Variants in SYT1 observed in about 807,000 individuals in gnomAD.
SYT1 encodes synaptotagmin-1.
In SYT1, 8 loss-of-function variants were observed where a neutral mutation model predicts 44.8. The ratio of observed to expected loss-of-function variants is 0.18; its 90% CI spans 0.10 to 0.32. The LOEUF (loss-of-function observed/expected upper bound fraction) is 0.32. Among genes scored for constraint, SYT1 ranks in the 10% least tolerant of loss-of-function variants. The pLI is 1.00. For synonymous variants in SYT1, 154 were observed against 188.8 expected, an observed-to-expected ratio of 0.82 and a Z score of 1.51; for missense variants, 286 against 509.3, an observed-to-expected ratio of 0.56 and a Z score of 4.22.
intron 3 of SYT1, among the ~76,000 whole-genome samples, chr12:79,206,025 A>C (rs527570462): frequency 6.6e-6 from 1 of 152,328 alleles, no homozygotes; most frequent in East Asian, 1.9e-4. Context: ...GCACTAAGGA[A>C]GCATGTTGAA....
At chr12:79,174,974 ATTC>A (rs1871769680) in intron 3 of SYT1, among the ~76,000 whole-genome samples, 1 of 152,078 alleles carries the variant, frequency 6.6e-6, no homozygotes, top group African/African-American at 2.4e-5. Context: ...TATAGTTAAT[ATTC>A]ATCAAAGTTT....
intron 9 of SYT1, chr12:79,419,153 T>C: frequency 2.4e-6 from 1 of 422,096 alleles, no homozygotes; most frequent in South Asian, 1.8e-5. Flanking sequence ...CTTTTCTCTA[T>C]GTAGAAGGGA....
chr12:79,300,789 TTATATATATATATATATA>T (rs56934430), intron 8 of SYT1, among the ~76,000 whole-genome samples: 120 of 89,610 alleles, frequency 1.3e-3, no homozygotes, highest in African/African-American at 4.8e-3. Context: ...TGTATACTTA[TTATATATATATATATATA>T]TATATATATA....
At chr12:79,217,097 ATC>A (rs1003078550) in intron 3 of SYT1, among the ~76,000 whole-genome samples, 3 of 152,218 alleles carry the variant, frequency 2.0e-5, no homozygotes, top group Admixed American at 6.5e-5. Flanking sequence ...CAAATATTTT[ATC>A]TCTTTCTTCC....
At chr12:79,161,640 C>G (rs1870955720) in intron 3 of SYT1, among the ~76,000 whole-genome samples, 1 of 152,096 alleles carries the variant, frequency 6.6e-6, no homozygotes, top group African/African-American at 2.4e-5. Context: ...AACTGCATAA[C>G]AGATAATCAA....
At chr12:79,420,268 C>T (rs1399172107) in intron 9 of SYT1, among the ~76,000 whole-genome samples, 1 of 152,102 alleles carries the variant, frequency 6.6e-6, no homozygotes, top group South Asian at 2.1e-4. Flanking sequence ...TTTCCTATTG[C>T]TCATATCCTT....
rs375809857 is a variant in SYT1 at position 79,064,048 on chromosome 12, A to G, written c.-18+16686A>G. Among the ~76,000 whole-genome samples, 14 of 151,828 alleles carry G rather than the reference A, an allele frequency of 9.2e-5. 1 individual carries two copies. Among genetic ancestry groups the G allele is most frequent in the Admixed American group, 4.6e-4 (7 of 15,208 alleles). On this transcript the variant is annotated intron_variant, in intron 3 of 10. Transcript: ENST00000261205. Reference sequence around the variant, plus strand: ...CTCCTTATCCCTACCATTCCGGAGAACAGTCCATCACTTGGAGCATAAAGC... The same window carrying G: ...CTCCTTATCCCTACCATTCCGGAGAGCAGTCCATCACTTGGAGCATAAAGC...
chr12:79,183,726 T>C (rs1872663641), intron 3 of SYT1, among the ~76,000 whole-genome samples: 1 of 152,050 alleles, frequency 6.6e-6, no homozygotes, highest in Admixed American at 6.6e-5. Flanking sequence ...AAACAGAGAA[T>C]GTTCAGGTTA....
At chr12:79,147,397 CAAAG>C (rs968018133) in intron 3 of SYT1, among the ~76,000 whole-genome samples, 4 of 152,010 alleles carry the variant, frequency 2.6e-5, no homozygotes, top group Admixed American at 6.6e-5. Flanking sequence ...AATTAAAAGA[CAAAG>C]AAAGGAGCTG....
At chr12:79,205,739 A>G (rs1158522588) in intron 3 of SYT1, among the ~76,000 whole-genome samples, 1 of 152,170 alleles carries the variant, frequency 6.6e-6, no homozygotes, top group East Asian at 1.9e-4. Flanking sequence ...AAAGGGGAAA[A>G]TAACATAGCA....
At chr12:78,973,483 C>A (rs1006006391) in intron 1 of SYT1, among the ~76,000 whole-genome samples, 3 of 152,082 alleles carry the variant, frequency 2.0e-5, no homozygotes, top group African/African-American at 7.2e-5. Context: ...CCATATCATC[C>A]AGCAAGCCCA....
chr12:79,282,776 A>G (rs993702896), intron 4 of SYT1, among the ~76,000 whole-genome samples: 2 of 152,180 alleles, frequency 1.3e-5, no homozygotes, highest in African/African-American at 4.8e-5. Context: ...TTCAACCTAT[A>G]GTTTTTCCTC....
At chr12:79,100,898 G>A (rs1878408909) in intron 3 of SYT1, among the ~76,000 whole-genome samples, 1 of 151,990 alleles carries the variant, frequency 6.6e-6, no homozygotes, top group Non-Finnish European at 1.5e-5. Flanking sequence ...TTTATATTAT[G>A]TTTAGGTGCT....
Position 79,045,208 on chromosome 12 carries a change from C to G in SYT1, c.-83-2089C>G, listed in dbSNP as rs541493346. Among the ~76,000 whole-genome samples the G allele has an allele frequency of 2.2e-3, 331 of 152,330 alleles. 2 individuals are homozygous for G. Among genetic ancestry groups the G allele is most frequent in the Middle Eastern group, 6.8e-3 (2 of 294 alleles). On this transcript the variant is annotated intron_variant, in intron 2 of 10. Transcript: ENST00000261205. ...AGCAAGCCCGGGCAATGGCGGGCGC[C>G]CCTCCCCCAGCCTGGCTGCCGCCTT...
intron 2 of SYT1, among the ~76,000 whole-genome samples, chr12:78,996,777 A>T (rs547097867): frequency 3.3e-5 from 5 of 152,306 alleles, no homozygotes; most frequent in African/African-American, 1.2e-4. Flanking sequence ...TAAATCACAG[A>T]TATAAAGAAC....
intron 2 of SYT1, among the ~76,000 whole-genome samples, chr12:79,025,364 G>T (rs983204926): frequency 6.6e-6 from 1 of 151,696 alleles, no homozygotes; most frequent in Admixed American, 6.6e-5. Flanking sequence ...ACATTTGCTT[G>T]TTGAGCTTTA....
At chr12:79,443,583 G>A (rs1870547930) in intron 9 of SYT1, among the ~76,000 whole-genome samples, 2 of 152,170 alleles carry the variant, frequency 1.3e-5, no homozygotes, top group Admixed American at 1.3e-4. Flanking sequence ...AATATTGATG[G>A]AGTAAATGAA....
intron 8 of SYT1, among the ~76,000 whole-genome samples, chr12:79,310,903 A>AG (rs879816977): frequency 3.1e-4 from 47 of 152,220 alleles, no homozygotes; most frequent in Non-Finnish European, 4.9e-4. Flanking sequence ...TATCAGCTGA[A>AG]GGAGATTTTG....
At chr12:78,910,004 T>C (rs766204604) in intron 1 of SYT1, among the ~76,000 whole-genome samples, 6 of 151,994 alleles carry the variant, frequency 3.9e-5, no homozygotes, top group Non-Finnish European at 7.4e-5. Flanking sequence ...TCTGTTCACA[T>C]ATATCCAGCT....
Sources: allele counts gnomAD v4.1 joint callset (sites outside exome capture counted in the v4.1 genomes callset), GRCh38; gene constraint gnomAD v4.1.1; transcripts MANE v1.5; gene names NCBI Gene and HGNC (gene_info 2026-07-23, HGNC 2026-07-21).